ARHGAP9: variants seen among roughly 807,000 people sequenced by gnomAD.
ARHGAP9 encodes Rho GTPase activating protein 9.
In ARHGAP9, 76 loss-of-function variants were observed where a neutral mutation model predicts 87.3. The ratio of observed to expected loss-of-function variants is 0.87; its 90% CI spans 0.72 to 1.05. ARHGAP9 has a LOEUF of 1.05. Ranked by LOEUF, ARHGAP9 falls within the 50% of genes least tolerant of loss-of-function variation. The probability of loss-of-function intolerance (pLI) is 0.00; values close to 1 mark genes in which losing one functional copy is unlikely to be tolerated. For missense variants in ARHGAP9, 941 were observed against 960.5 expected (o/e 0.98, Z 0.27); for synonymous variants, 382 against 394.9 (o/e 0.97, Z 0.39).
chr12:57,487,885 G>T (rs1875553157), intron 1 of ARHGAP9: 3 of 475,198 alleles, frequency 6.3e-6, no homozygotes, highest in East Asian at 4.0e-5. Flanking sequence ...GTGCAGTCTA[G>T]CCCGCATCTG....
Position 57,476,572 on chromosome 12 carries a change from TGTATTCTGG to T in ARHGAP9, c.1025+9_1025+17del. ...TGGAGTTGACAGCCCAGGCCCTAGCTGTATTCTGGGTTCTCACCTGAGCTTGCGCCCCCC... is the reference window on the plus strand; with the variant it reads ...TGGAGTTGACAGCCCAGGCCCTAGCTGTTCTCACCTGAGCTTGCGCCCCCC... On this transcript the variant is annotated intron_variant, in intron 7 of 17. Transcript: ENST00000393791. The T allele has an allele frequency of 6.2e-7, 1 of 1,614,108 alleles. No homozygotes were observed. Among genetic ancestry groups the T allele is most frequent in the Non-Finnish European group, 8.5e-7 (1 of 1,179,996 alleles).
chr12:57,475,571 G>A lies in ARHGAP9; in HGVS notation c.1356C>T (p.Pro452=), dbSNP rs756729545. The change falls in exon 11 of 18, where the codon CCC becomes CCT. Residue 452 remains proline, a synonymous_variant. Transcript: ENST00000393791. ...PLELRLSGSG[P]AELSAGEDEE... is the part of the protein sequence containing the mutation. ...CGTCCTCCCCGGCGCTCAGCTCCGC[G>A]GGTCCAGAGCCCGACAGACGCAGCT... 14 of 1,611,368 alleles carry A rather than the reference G, an allele frequency of 8.7e-6. No individual in the cohort carries two copies. Among genetic ancestry groups the A allele is most frequent in the Non-Finnish European group, 1.2e-5 (14 of 1,179,152 alleles).
In ARHGAP9 at chr12:57,474,651, C is replaced by A; in HGVS notation, c.1704G>T (p.Gln568His). The change falls in exon 14 of 18, where the codon CAG becomes CAT. Residue 568 changes from glutamine (Q) to histidine (H), a missense_variant. Transcript: ENST00000393791. ...YRVSGNLAVV[Q>H]KLRFLVDRER... ...CTCTGTCCACCAGAAAGCGAAGCTT[C>A]TGGACCACTGCCAAGTTCCCGCTCA... 6.2e-7 allele frequency: 1 copy of A among 1,614,222 alleles called. No individual in the cohort carries two copies. The highest frequency in any genetic ancestry group is 8.5e-7 in the Non-Finnish European group (1 of 1,180,050).
chr12:57,477,675 GC>G lies in ARHGAP9; in HGVS notation c.539del (p.Gly180AlafsTer54), dbSNP rs768032407. 6.2e-7 allele frequency: 1 copy of G among 1,609,648 alleles called. No individual in the cohort carries two copies. Among genetic ancestry groups the G allele is most frequent in the East Asian group, 2.2e-5 (1 of 44,844 alleles). On this transcript the variant is annotated frameshift_variant, in exon 4 of 18. Coordinates refer to ENST00000393791, the MANE Select transcript of ARHGAP9 (RefSeq NM_032496.4). LOFTEE classifies it high-confidence loss of function. ...LPSEASASTA[G>X]PQPLMSEPPV... is the part of the protein sequence containing the mutation. ...GGGGCTCTGACATGAGGGGCTGGGG[GC>G]CTGCCTGCCAGAAAAGGGGGAAGAA...
chr12:57,483,086 G>A (rs1211648591), upstream of ARHGAP9, among the ~76,000 whole-genome samples: 4 of 147,694 alleles, frequency 2.7e-5, no homozygotes, highest in Admixed American at 6.7e-5. Flanking sequence ...GTGACGGAGC[G>A]AGACTCTGTC....
chr12:57,482,979 C>T (rs1221386575), upstream of ARHGAP9, among the ~76,000 whole-genome samples: 1 of 151,410 alleles, frequency 6.6e-6, no homozygotes, highest in South Asian at 2.1e-4. Context: ...GGTGTCTGTA[C>T]TCCCAGCTAC....
chr12:57,480,069 A>C, upstream of ARHGAP9: 1 of 985,422 alleles, frequency 1.0e-6, no homozygotes, highest in Non-Finnish European at 1.2e-6. Context: ...TCAGAGTTGA[A>C]ATATCACCAC....
chr12:57,475,436 G>C (rs966482965), intron 11 of ARHGAP9, 38 bp from the exon 12 acceptor site: 7 of 1,576,704 alleles, frequency 4.4e-6, no homozygotes, highest in Non-Finnish European at 5.2e-6. Context: ...GAGCGCCCGG[G>C]AGCCTCGCTG....
intron 7 of ARHGAP9, 45 bp from the exon 8 acceptor site, chr12:57,476,499 CTAGAATGACACGAGG>C: frequency 6.2e-7 from 1 of 1,613,104 alleles, no homozygotes; most frequent in Non-Finnish European, 8.5e-7. Context: ...ACAGGTCATT[CTAGAATGACACGAGG>C]AGGGTGCTCT....
upstream of ARHGAP9, chr12:57,480,790 C>G (rs769596230): frequency 1.5e-5 from 23 of 1,550,580 alleles, no homozygotes; most frequent in Non-Finnish European, 1.9e-5. Flanking sequence ...GGCCACTCCT[C>G]TTTTCCTCTT....
At position 57,477,630 on chromosome 12, in the gene ARHGAP9, C is replaced by T. The variant is rs1358599587; in HGVS notation, c.585G>A (p.Val195=). Residue 195 remains valine, a synonymous_variant, in exon 4 of 18, where the codon GTG becomes GTA. Transcript: ENST00000393791. ...MSEPPVYCNL[V]DLRRCPRSPP... is the part of the protein sequence containing the mutation. The stretch of plus-strand genomic sequence containing the variant: ...GGGACCGAGGACAGCGGCGAAGGTC[C>T]ACCAGGTTACAGTACACAGGGGGCT... 4 of 1,613,078 alleles carry T rather than the reference C, an allele frequency of 2.5e-6. No individual in the cohort carries two copies. In the East Asian group the frequency reaches 8.9e-5, roughly 36 times the overall value.
chr12:57,485,960 T>G (rs1399754537), intron 1 of ARHGAP9, among the ~76,000 whole-genome samples: 1 of 152,134 alleles, frequency 6.6e-6, no homozygotes, highest in Non-Finnish European at 1.5e-5. Context: ...ACATGAGACC[T>G]CTCTAGCATG....
intron 1 of ARHGAP9, chr12:57,487,303 T>G (rs2139990240): frequency 6.6e-6 from 1 of 152,070 alleles, no homozygotes; most frequent in Non-Finnish European, 1.5e-5. Flanking sequence ...TTGTTGTTGA[T>G]AGGATGGATA....
Position 57,478,591 on chromosome 12 carries a change from G to C in ARHGAP9, c.483C>G (p.Ser161Arg), listed in dbSNP as rs145600928. Residue 161 changes from serine to arginine, a missense_variant, in exon 3 of 18, where the codon AGC becomes AGG. By Grantham distance (110) the Ser-to-Arg change is moderately radical. Coordinates refer to ENST00000393791, the MANE Select transcript of ARHGAP9 (RefSeq NM_032496.4). Reference sequence around the variant, plus strand: ...AGTCTTCCTGGGAGAGGGATCTTCCGCTTGGTCCTTCCTGGAAAGGCTTCA... The same window carrying C: ...AGTCTTCCTGGGAGAGGGATCTTCCCCTTGGTCCTTCCTGGAAAGGCTTCA... Reference protein sequence around the residue: ...SLLKPFQEGPSGRSLSQEDLP... With the variant: ...SLLKPFQEGPRGRSLSQEDLP... 8.1e-6 allele frequency: 13 copies of C among 1,614,046 alleles called. No individual in the cohort carries two copies. In the African/African-American group the frequency reaches 1.5e-4, roughly 18 times the overall value.
At position 57,478,655 on chromosome 12, in the gene ARHGAP9, C is replaced by A. The variant is rs772492920; in HGVS notation, c.419G>T (p.Cys140Phe). ...CAGATTGTCAGTGCTGACGCTCCTA[C>A]ACATTTTGCGGGGAAGTGGAGGAGG... ...EQPPPLPRKM[C>F]RSVSTDNLSP... is the part of the protein sequence containing the mutation. The change falls in exon 3 of 18, where the codon TGT becomes TTT. Residue 140 changes from cysteine (C) to phenylalanine (F), a missense_variant. Physicochemically the swap from Cys to Phe is radical, Grantham distance 205. Coordinates refer to ENST00000393791, the MANE Select transcript of ARHGAP9 (RefSeq NM_032496.4). The A allele has an allele frequency of 1.2e-6, 2 of 1,614,162 alleles. No homozygotes were observed. The highest frequency in any genetic ancestry group is 1.7e-6 in the Non-Finnish European group (2 of 1,180,048).
intron 1 of ARHGAP9, among the ~76,000 whole-genome samples, chr12:57,486,066 G>C (rs1463554261): frequency 1.3e-5 from 2 of 152,228 alleles, no homozygotes; most frequent in East Asian, 3.9e-4. Flanking sequence ...TTATGGCCTA[G>C]CTTCAAAAGG....
At chr12:57,484,650 T>C (rs900530853), upstream of ARHGAP9, among the ~76,000 whole-genome samples, 2 of 152,054 alleles carry the variant, frequency 1.3e-5, no homozygotes, top group Non-Finnish European at 2.9e-5. Context: ...CTCAGTTTGT[T>C]TGTTTATTTA....
intron 12 of ARHGAP9, 137 bp from the exon 13 acceptor site, chr12:57,475,110 C>A (rs1873093165): frequency 9.1e-7 from 1 of 1,096,372 alleles, no homozygotes; most frequent in Non-Finnish European, 1.3e-6. Context: ...ATACACTCCA[C>A]CTCCCTTCCC....
At chr12:57,482,196 C>T (rs553369326), upstream of ARHGAP9, among the ~76,000 whole-genome samples, 105 of 152,114 alleles carry the variant, frequency 6.9e-4, no homozygotes, top group Non-Finnish European at 1.3e-3. Flanking sequence ...TCACTTGAGC[C>T]TAGGAGCTTG....
Sources: allele counts gnomAD v4.1 joint callset (sites outside exome capture counted in the v4.1 genomes callset), GRCh38; gene constraint gnomAD v4.1.1; transcripts MANE v1.5; gene names NCBI Gene and HGNC (gene_info 2026-07-23, HGNC 2026-07-21).